Variants in FANCD2OS observed in about 807,000 individuals in gnomAD.
The protein encoded by FANCD2OS is FANCD2 opposite strand, also known as FANCD2 opposite strand protein.
A neutral mutation model predicts 13.2 loss-of-function variants in FANCD2OS; 11 were observed. The ratio of observed to expected loss-of-function variants is 0.83; its 90% confidence interval spans 0.52 to 1.38. The LOEUF (loss-of-function observed/expected upper bound fraction) is 1.38. Ranked by LOEUF, FANCD2OS falls within the 40% of genes most tolerant of loss-of-function variation. The pLI is 0.00. For missense variants in FANCD2OS, 217 were observed against 213.9 expected (o/e 1.01, Z -0.09); for synonymous variants, 69 against 84.5 (o/e 0.82, Z 1.01).
chr3:10,101,128 TCCAGAGGTCAC>T, downstream of FANCD2OS: 2 of 1,285,236 alleles, frequency 1.6e-6, no homozygotes, highest in Middle Eastern at 1.8e-4. Context: ...GGAGCTGTAT[TCCAGAGGTCAC>T]CCAGAGCAGT....
At position 10,104,380 on chromosome 3, in the gene FANCD2OS, C is replaced by G. The variant is rs139498249; in HGVS notation, c.395G>C (p.Arg132Thr). ...CAGTCCAATGGGCCACTGGTGCTCC[C>G]TGCTAATGATTTTGCAAAAGGCTGA... The part of the protein sequence containing the change: ...DKSAFCKIIS[R>T]EHQWPIGLKE... The change falls in exon 2 of 2, where the codon AGG becomes ACG. Residue 132 changes from arginine to threonine, a missense_variant. Coordinates refer to ENST00000450660, the MANE Select transcript of FANCD2OS (RefSeq NM_001164839.2). 3.5e-5 allele frequency: 57 copies of G among 1,614,170 alleles called. No individual in the cohort carries two copies. In the African/African-American group the frequency reaches 7.1e-4, roughly 20 times the overall value.
At chr3:10,105,026 A>AT (rs1695431871) in intron 1 of FANCD2OS, among the ~76,000 whole-genome samples, 1 of 151,872 alleles carries the variant, frequency 6.6e-6, no homozygotes, top group Non-Finnish European at 1.5e-5. Flanking sequence ...GGCTCACTGT[A>AT]TTTTTTTGTA....
chr3:10,085,563 T>C (rs532450327), intron 2 of FANCD2OS, among the ~76,000 whole-genome samples: 1 of 152,214 alleles, frequency 6.6e-6, no homozygotes, highest in South Asian at 2.1e-4. Context: ...AGCTAATTTT[T>C]GTATTTTTAG....
chr3:10,106,943 G>A (rs1344235264), intron 1 of FANCD2OS, among the ~76,000 whole-genome samples: 2 of 152,162 alleles, frequency 1.3e-5, no homozygotes, highest in Non-Finnish European at 2.9e-5. Context: ...CAGACCAGAA[G>A]ACCTGCTCCT....
At chr3:10,107,605 C>A (rs187943051) in intron 1 of FANCD2OS, among the ~76,000 whole-genome samples, 1 of 151,966 alleles carries the variant, frequency 6.6e-6, no homozygotes, top group East Asian at 2.0e-4. Flanking sequence ...CCTTTTCTTG[C>A]CACATCTTCT....
exon 3 of FANCD2OS, chr3:10,081,383 C>T (rs1415462640): frequency 6.2e-7 from 1 of 1,613,918 alleles, no homozygotes; most frequent in Non-Finnish European, 8.5e-7. Context: ...GTTGATGGAC[C>T]AGGAGTGAAA....
intron 2 of FANCD2OS, among the ~76,000 whole-genome samples, chr3:10,089,901 A>G (rs1159585585): frequency 6.6e-6 from 1 of 152,192 alleles, no homozygotes; most frequent in Non-Finnish European, 1.5e-5. Context: ...ACTTTATCTC[A>G]TTTGATCCTT....
chr3:10,101,377 C>CTTTTTTTTTTT, downstream of FANCD2OS: 1 of 388,318 alleles, frequency 2.6e-6, no homozygotes, highest in Non-Finnish European at 4.6e-6. Flanking sequence ...TTTTGTTCCT[C>CTTTTTTTTTTT]TTTTTTTTTT....
chr3:10,099,294 A>G, downstream of FANCD2OS: 1 of 1,246,382 alleles, frequency 8.0e-7, no homozygotes, highest in Non-Finnish European at 1.0e-6. Flanking sequence ...TTTTTGTGGT[A>G]CAGATGCTTT....
intron 2 of FANCD2OS, among the ~76,000 whole-genome samples, chr3:10,092,582 C>G (rs1027389277): frequency 6.6e-6 from 1 of 151,844 alleles, no homozygotes; most frequent in Non-Finnish European, 1.5e-5. Flanking sequence ...TGAATGCCCT[C>G]GTTCTCCTTT....
In FANCD2OS at chr3:10,103,952, G is replaced by A. The variant is rs2125109188; in HGVS notation, c.*289C>T. The stretch of plus-strand genomic sequence containing the variant: ...TAGGTGTTTATGTGAGTTCACACTA[G>A]GCTCATTGGTTTATATCATTTGTTT... On this transcript the variant is annotated 3_prime_UTR_variant, in exon 2 of 2. Transcript: ENST00000450660. 2.8e-6 allele frequency: 1 copy of A among 360,424 alleles called. No individual in the cohort carries two copies. The highest frequency in any genetic ancestry group is 5.1e-5 in the South Asian group (1 of 19,752). 22.3% of individuals were successfully genotyped at this position (360,424 alleles called of 1,614,324 possible).
chr3:10,102,198 C>T (rs1234525854), downstream of FANCD2OS, among the ~76,000 whole-genome samples: 1 of 145,980 alleles, frequency 6.9e-6, no homozygotes, highest in Non-Finnish European at 1.5e-5. Context: ...GGCTGGAGTG[C>T]AGTGGCACGA....
chr3:10,100,396 C>T (rs185312880), downstream of FANCD2OS, among the ~76,000 whole-genome samples: 14 of 152,188 alleles, frequency 9.2e-5, no homozygotes, highest in South Asian at 4.1e-4. Flanking sequence ...TTTTTTGAGA[C>T]GGAGTCTCCC....
chr3:10,082,019 GC>G (rs1051554214), intron 2 of FANCD2OS, among the ~76,000 whole-genome samples: 1 of 152,130 alleles, frequency 6.6e-6, no homozygotes, highest in Non-Finnish European at 1.5e-5. Flanking sequence ...CTTAAATTTA[GC>G]CAAAATTTAT....
chr3:10,086,959 A>G lies in FANCD2OS; in HGVS notation c.*44-5428T>C, dbSNP rs528447846. Among the ~76,000 whole-genome samples, 8 of 152,296 alleles carry G rather than the reference A, an allele frequency of 5.3e-5. 1 individual carries two copies. In the South Asian group the frequency reaches 1.7e-3, roughly 32 times the overall value. On this transcript the variant is annotated intron_variant, in intron 2 of 2. Transcript: ENST00000524279. Reference sequence around the variant, plus strand: ...GCCCTGGCTTTTTCCATACAAAGGTATGGTTTTCTACCAAGATGCTTGAAG... The same window carrying G: ...GCCCTGGCTTTTTCCATACAAAGGTGTGGTTTTCTACCAAGATGCTTGAAG...
chr3:10,082,725 AC>A (rs1272470655), intron 2 of FANCD2OS, among the ~76,000 whole-genome samples: 3 of 151,882 alleles, frequency 2.0e-5, no homozygotes, highest in African/African-American at 7.3e-5. Flanking sequence ...TGCCTCTCTA[AC>A]CCCCAGTTCT....
chr3:10,105,827 G>T (rs1695484439), intron 1 of FANCD2OS, among the ~76,000 whole-genome samples: 1 of 103,216 alleles, frequency 9.7e-6, no homozygotes, highest in African/African-American at 3.3e-5. Flanking sequence ...TATATTTTGA[G>T]GTTCGCGATG....
At position 10,104,040 on chromosome 3, in the gene FANCD2OS, G is replaced by T. The variant is rs1026367979; in HGVS notation, c.*201C>A. The T allele has an allele frequency of 7.0e-6, 4 of 570,344 alleles. No individual in the cohort carries two copies. The highest frequency in any genetic ancestry group is 5.6e-5 in the African/African-American group (3 of 53,466). 35.3% of individuals were successfully genotyped at this position (570,344 alleles called of 1,614,324 possible). ...TCTAAATGGTTCAACCTTACAATGG[G>T]AATGTTCTTCCTTGTTCTCTATCAT... On this transcript the variant is annotated 3_prime_UTR_variant, in exon 2 of 2. Coordinates refer to ENST00000450660, the MANE Select transcript of FANCD2OS (RefSeq NM_001164839.2).
At chr3:10,088,658 G>C (rs1694387468) in intron 2 of FANCD2OS, 2 of 1,080,268 alleles carry the variant, frequency 1.9e-6, no homozygotes, top group South Asian at 2.6e-5. Flanking sequence ...CAATGAAGTA[G>C]GTTAAAAATG....
Sources: gnomAD v4.1 joint callset for allele counts (sites outside exome capture counted in the v4.1 genomes callset) on GRCh38, gnomAD v4.1.1 for gene constraint, MANE v1.5 for transcripts, NCBI Gene and HGNC (gene_info 2026-07-23, HGNC 2026-07-21) for gene names.